The following ERBB4 variants were observed in gnomAD, a reference collection of about 807,000 sequenced individuals.
ERBB4 encodes receptor tyrosine-protein kinase erbB-4.
Under a neutral mutation model 158.0 loss-of-function variants are expected in ERBB4, and 42 were observed. The observed-to-expected ratio is 0.27, with a 90% CI of 0.21 to 0.34. The LOEUF (loss-of-function observed/expected upper bound fraction) is 0.34. ERBB4 is among the 10% of genes least tolerant of loss of function. The pLI, the probability that ERBB4 is intolerant of heterozygous loss-of-function variation, is 1.00. For synonymous variants in ERBB4, 583 were observed against 558.7 expected (o/e 1.04, Z -0.61); for missense variants, 1,333 against 1,624.1 (o/e 0.82, Z 3.08).
At chr2:211,690,658 T>C (rs913055401) in intron 12 of ERBB4, among the ~76,000 whole-genome samples, 2 of 152,110 alleles carry the variant, frequency 1.3e-5, no homozygotes, top group Non-Finnish European at 1.5e-5. Context: ...TATCTCCACA[T>C]AGCATAGAAC....
intron 25 of ERBB4, among the ~76,000 whole-genome samples, chr2:211,406,650 C>T (rs534019665): frequency 1.3e-5 from 2 of 152,238 alleles, no homozygotes; most frequent in East Asian, 1.9e-4. Context: ...AAGGGACTCT[C>T]GAGCCAGGCT....
At chr2:211,843,599 G>A (rs2077523706) in intron 3 of ERBB4, among the ~76,000 whole-genome samples, 2 of 103,604 alleles carry the variant, frequency 1.9e-5, no homozygotes, top group African/African-American at 7.0e-5. Context: ...TGGCAGCAAA[G>A]GAGATTTTAA....
At chr2:211,432,535 T>A (rs2063765632) in intron 20 of ERBB4, among the ~76,000 whole-genome samples, 1 of 151,750 alleles carries the variant, frequency 6.6e-6, no homozygotes, top group South Asian at 2.1e-4. Flanking sequence ...TGTGTTTGAG[T>A]ACATTAAATT....
intron 1 of ERBB4, among the ~76,000 whole-genome samples, chr2:212,450,821 G>GAAAAAAAAAAA (rs57931477): frequency 1.1e-5 from 1 of 92,854 alleles, no homozygotes; most frequent in African/African-American, 3.8e-5. Flanking sequence ...TTTCAGCCGA[G>GAAAAAAAAAAA]AAAAAAAAAA....
chr2:211,672,888 C>T (rs752826134), intron 14 of ERBB4, among the ~76,000 whole-genome samples: 1 of 152,048 alleles, frequency 6.6e-6, no homozygotes, highest in East Asian at 1.9e-4. Context: ...TCTAATTATT[C>T]TTTTCTATAC....
chr2:211,551,077 A>T (rs537105397), intron 20 of ERBB4, among the ~76,000 whole-genome samples: 26 of 151,996 alleles, frequency 1.7e-4, no homozygotes, highest in African/African-American at 6.3e-4. Flanking sequence ...CTTTTTAATT[A>T]AAAAAAATTA....
intron 20 of ERBB4, among the ~76,000 whole-genome samples, chr2:211,434,532 G>T (rs527617302): frequency 6.6e-6 from 1 of 152,194 alleles, no homozygotes; most frequent in Non-Finnish European, 1.5e-5. Context: ...AAAACTATGA[G>T]AAATAAATTT....
chr2:211,483,364 C>T (rs2065130411), intron 20 of ERBB4, among the ~76,000 whole-genome samples: 1 of 151,616 alleles, frequency 6.6e-6, no homozygotes, highest in African/African-American at 2.4e-5. Context: ...ATAATGAGCC[C>T]CAAGAAAAAG....
chr2:211,688,390 G>T (rs1280063918), intron 12 of ERBB4, among the ~76,000 whole-genome samples: 4 of 152,108 alleles, frequency 2.6e-5, no homozygotes, highest in Non-Finnish European at 4.4e-5. Flanking sequence ...GACTCTGCCT[G>T]GGATCTCCCT....
chr2:211,776,081 G>A (rs1418686783), intron 4 of ERBB4, among the ~76,000 whole-genome samples: 1 of 152,126 alleles, frequency 6.6e-6, no homozygotes, highest in Non-Finnish European at 1.5e-5. Flanking sequence ...TTTTGTTAAT[G>A]TAACTATTCG....
At chr2:211,632,580 T>C (rs1001375736) in intron 16 of ERBB4, among the ~76,000 whole-genome samples, 1 of 151,988 alleles carries the variant, frequency 6.6e-6, no homozygotes, top group Non-Finnish European at 1.5e-5. Flanking sequence ...TCAATGTCAC[T>C]GTATATGAAA....
chr2:211,484,861 C>T (rs537499718), intron 20 of ERBB4, among the ~76,000 whole-genome samples: 1 of 152,252 alleles, frequency 6.6e-6, no homozygotes, highest in East Asian at 1.9e-4. Context: ...TGGCCTAGTA[C>T]CTAGGAAAGG....
chr2:211,695,214 C>T (rs1317295160), intron 12 of ERBB4, among the ~76,000 whole-genome samples: 1 of 152,108 alleles, frequency 6.6e-6, no homozygotes. Flanking sequence ...ATTCTGGACT[C>T]ACTATAAAGT....
At chr2:212,297,087 A>G (rs1045385842) in intron 1 of ERBB4, among the ~76,000 whole-genome samples, 1 of 152,010 alleles carries the variant, frequency 6.6e-6, no homozygotes, top group African/African-American at 2.4e-5. Flanking sequence ...TTTTAAGTCA[A>G]CTTACAAATG....
chr2:211,383,923 G>C lies in ERBB4; in HGVS notation c.3619C>G (p.Leu1207Val), dbSNP rs2062628115. 3 of 1,614,118 alleles carry C rather than the reference G, an allele frequency of 1.9e-6. No individual in the cohort carries two copies. The highest frequency in any genetic ancestry group is 2.5e-6 in the Non-Finnish European group (3 of 1,180,020). ...KAEDEYVNEP[L>V]YLNTFANTLG... ...GTGTTGGCAAAGGTGTTGAGGTACAGTGGCTCATTCACATACTCATCCTCG... is the reference window on the plus strand; with the variant it reads ...GTGTTGGCAAAGGTGTTGAGGTACACTGGCTCATTCACATACTCATCCTCG... Residue 1207 changes from leucine to valine, a missense_variant, in exon 28 of 28, where the codon CTG (leucine) becomes GTG (valine). Leu to Val is a conservative substitution (Grantham distance 32). This residue lies in a region of ERBB4 where 252 missense variants were observed against 241.3 expected (regional missense o/e 1.04). Transcript: ENST00000342788.
At chr2:212,075,029 T>A (rs17343912) in intron 2 of ERBB4, among the ~76,000 whole-genome samples, 21,434 of 151,934 alleles carry the variant, frequency 0.14, 1,946 homozygotes, top group Non-Finnish European at 0.2. Flanking sequence ...CAAACCCAAG[T>A]ATTAGTTTAA....
At chr2:212,033,740 C>T (rs933320017) in intron 2 of ERBB4, among the ~76,000 whole-genome samples, 19 of 151,764 alleles carry the variant, frequency 1.3e-4, no homozygotes, top group Non-Finnish European at 2.4e-4. Context: ...GCTCTAAGGT[C>T]ATGGAGACCT....
chr2:212,452,547 T>C (rs1012769948), intron 1 of ERBB4, among the ~76,000 whole-genome samples: 21 of 152,266 alleles, frequency 1.4e-4, no homozygotes, highest in African/African-American at 5.1e-4. Context: ...TGGGATGACA[T>C]GAGTAGGAAA....
intron 1 of ERBB4, among the ~76,000 whole-genome samples, chr2:212,202,277 G>A (rs577723290): frequency 2.0e-5 from 3 of 152,098 alleles, no homozygotes; most frequent in Non-Finnish European, 4.4e-5. Context: ...TATTCACTAA[G>A]TATTTATTGA....
Sources: allele counts gnomAD v4.1 joint callset (sites outside exome capture counted in the v4.1 genomes callset), GRCh38; gene constraint gnomAD v4.1.1; regional missense constraint gnomAD v4.1.1; transcripts MANE v1.5; gene names NCBI Gene and HGNC (gene_info 2026-07-23, HGNC 2026-07-21).